PPFIBP1: variants seen among roughly 807,000 people sequenced by gnomAD.
PPFIBP1 encodes the protein liprin-beta-1.
A neutral mutation model predicts 137.8 loss-of-function variants in PPFIBP1; 112 were observed. The ratio of observed to expected loss-of-function variants is 0.81; its 90% confidence interval spans 0.70 to 0.95. The LOEUF is 0.95. Ranked by LOEUF, PPFIBP1 falls within the 40% of genes least tolerant of loss-of-function variation. The pLI, the probability that PPFIBP1 is intolerant of heterozygous loss-of-function variation, is 0.00. For synonymous variants in PPFIBP1, 378 were observed against 417.3 expected, an observed-to-expected ratio of 0.91 and a Z score of 1.15; for missense variants, 1,083 against 1,196.6, an observed-to-expected ratio of 0.91 and a Z score of 1.40.
At position 27,673,838 on chromosome 12, in the gene PPFIBP1, T is replaced by C; in HGVS notation, c.1380+11T>C. The C allele has an allele frequency of 2.5e-6, 4 of 1,599,826 alleles. No homozygotes were observed. The highest frequency in any genetic ancestry group is 1.7e-4 in the Middle Eastern group (1 of 6,030). ...GAGACATCTGATGGGGTGGGTTCTGTGTTTTTTGTTTTTTTTTGTCTGTTA... is the reference window on the plus strand; with the variant it reads ...GAGACATCTGATGGGGTGGGTTCTGCGTTTTTTGTTTTTTTTTGTCTGTTA... On this transcript the variant is annotated intron_variant, in intron 16 of 29. Coordinates refer to ENST00000228425, the MANE Select transcript of PPFIBP1 (RefSeq NM_003622.4).
At chr12:27,679,737 T>C in intron 20 of PPFIBP1, 98 bp downstream of exon 20, 1 of 1,446,776 alleles carries the variant, frequency 6.9e-7, no homozygotes, top group South Asian at 1.3e-5. Flanking sequence ...TTTGTATTCC[T>C]CTTATGGAAG....
At chr12:27,573,764 C>A (rs923784173) in intron 1 of PPFIBP1, among the ~76,000 whole-genome samples, 4 of 152,182 alleles carry the variant, frequency 2.6e-5, no homozygotes, top group African/African-American at 9.7e-5. Context: ...GGAAGTACTA[C>A]TTGAAACCAG....
chr12:27,527,063 TC>T (rs1445160449), intron 1 of PPFIBP1, among the ~76,000 whole-genome samples: 1 of 152,160 alleles, frequency 6.6e-6, no homozygotes, highest in Non-Finnish European at 1.5e-5. Context: ...AGGTCATTTT[TC>T]CCCTCAGTTA....
rs961986206 is a variant in PPFIBP1 at position 27,587,111 on chromosome 12, G to A, written c.-36+8872G>A. On this transcript the variant is annotated intron_variant, in intron 2 of 29. Transcript: ENST00000228425. ...AGTCTGCTTTCAACTGAACCAATTT[G>A]CCTTTTTACAGTTAGGACTTGAAGG... 2.0e-5 allele frequency among the ~76,000 whole-genome samples: 3 copies of A among 152,112 alleles called. 1 individual carries two copies. Among genetic ancestry groups the A allele is most frequent in the Admixed American group, 2.0e-4 (3 of 15,274 alleles).
intron 1 of PPFIBP1, among the ~76,000 whole-genome samples, chr12:27,525,067 C>T (rs1267976720): frequency 6.6e-6 from 1 of 151,998 alleles, no homozygotes; most frequent in Non-Finnish European, 1.5e-5. Flanking sequence ...CCTGTGGCTG[C>T]TTGAGGGGCG....
intron 9 of PPFIBP1, among the ~76,000 whole-genome samples, chr12:27,657,834 T>A (rs10842967): frequency 0.85 from 128,746 of 151,704 alleles, 54,807 homozygotes; most frequent in East Asian, 1. Context: ...TGGGCTGGTT[T>A]CAGTGGCTCA....
chr12:27,660,816 A>G (rs2059499614), intron 10 of PPFIBP1, 68 bp from the exon 11 acceptor site: 1 of 1,558,996 alleles, frequency 6.4e-7, no homozygotes, highest in East Asian at 2.3e-5. Flanking sequence ...CAGTCTGGAG[A>G]GTAAATAACT....
chr12:27,569,020 A>G lies in PPFIBP1; in HGVS notation c.-123-9132A>G, dbSNP rs867808950. On this transcript the variant is annotated intron_variant, in intron 1 of 29. Transcript: ENST00000228425. ...AGTGATGTCTGCTTCTTCATGCCCC[A>G]ACTGAATCCCCTAAATGCTTTTCTC... 4.2e-4 allele frequency among the ~76,000 whole-genome samples: 64 copies of G among 152,052 alleles called. 1 individual carries two copies. The highest frequency in any genetic ancestry group is 1.8e-4 in the Non-Finnish European group (12 of 68,000).
In PPFIBP1 at chr12:27,676,545, C is replaced by T. The variant is rs778133603; in HGVS notation, c.1528C>T (p.Arg510Trp). ...TCGAAAAGTCAGATCTTCCTTTGGC[C>T]GGGGCTTTTTTAAAATCAAAAGTAA... ...GTRKVRSSFG[R>W]GFFKIKSNKR... is the part of the protein sequence containing the mutation. Residue 510 changes from arginine (R) to tryptophan (W), a missense_variant, in exon 18 of 30, where the codon CGG (arginine) becomes TGG (tryptophan). Transcript: ENST00000228425. The T allele has an allele frequency of 3.4e-5, 55 of 1,607,540 alleles. No individual in the cohort carries two copies. The highest frequency in any genetic ancestry group is 6.7e-5 in the East Asian group (3 of 44,672).
rs565907665 is a variant in PPFIBP1 at position 27,587,846 on chromosome 12, C to CA, written c.-36+9608dup. Among the ~76,000 whole-genome samples, 157 of 152,178 alleles carry CA rather than the reference C, an allele frequency of 1.0e-3. 1 individual carries two copies. Among genetic ancestry groups the CA allele is most frequent in the African/African-American group, 3.5e-3 (147 of 41,510 alleles). The stretch of plus-strand genomic sequence containing the variant: ...GCCTAAATTTCCTAAGAACCTAGTC[C>CA]ACATTCAAAACCAAAATATCCTTTA... On this transcript the variant is annotated intron_variant, in intron 2 of 29. Transcript: ENST00000228425.
intron 15 of PPFIBP1, among the ~76,000 whole-genome samples, chr12:27,672,808 G>A (rs2060282146): frequency 6.6e-6 from 1 of 152,196 alleles, no homozygotes; most frequent in South Asian, 2.1e-4. Context: ...TTTGAGTCCA[G>A]TGGGAAGGCA....
intron 1 of PPFIBP1, among the ~76,000 whole-genome samples, chr12:27,577,603 A>G (rs1053820342): frequency 1.7e-4 from 26 of 152,212 alleles, no homozygotes; most frequent in African/African-American, 6.3e-4. Context: ...GTTCCTGTAT[A>G]TACTAGTGGG....
At chr12:27,564,916 A>G (rs535115688) in intron 1 of PPFIBP1, among the ~76,000 whole-genome samples, 18 of 152,150 alleles carry the variant, frequency 1.2e-4, no homozygotes, top group Non-Finnish European at 2.4e-4. Context: ...GTCTTATGCC[A>G]TGACTGCCCT....
Position 27,671,041 on chromosome 12 carries a change from C to T in PPFIBP1, c.1147-390C>T, listed in dbSNP as rs188153279. Reference sequence around the variant, plus strand: ...ATTACTAGCTGGGTACAGTGGCACACGTCTATAACCTTAGCTACTCAGGAG... The same window carrying T: ...ATTACTAGCTGGGTACAGTGGCACATGTCTATAACCTTAGCTACTCAGGAG... On this transcript the variant is annotated intron_variant, in intron 13 of 29. Coordinates refer to ENST00000228425, the MANE Select transcript of PPFIBP1 (RefSeq NM_003622.4). Among the ~76,000 whole-genome samples the T allele has an allele frequency of 2.0e-4, 30 of 151,938 alleles. No homozygotes were observed. In the East Asian group the frequency reaches 4.6e-3, roughly 24 times the overall value.
At chr12:27,643,084 G>C (rs2058229994) in intron 4 of PPFIBP1, among the ~76,000 whole-genome samples, 1 of 151,100 alleles carries the variant, frequency 6.6e-6, no homozygotes, top group Admixed American at 6.7e-5. Context: ...GCTGACAAAG[G>C]CTCTGAGATC....
At chr12:27,620,601 A>G (rs1461054823) in intron 2 of PPFIBP1, among the ~76,000 whole-genome samples, 1 of 152,124 alleles carries the variant, frequency 6.6e-6, no homozygotes, top group Non-Finnish European at 1.5e-5. Flanking sequence ...GTATATAATT[A>G]AGAGGATGCG....
intron 2 of PPFIBP1, chr12:27,594,134 T>G: frequency 7.5e-5 from 30 of 401,520 alleles, no homozygotes; most frequent in Non-Finnish European, 1.1e-4. Flanking sequence ...GAGAAGAGAA[T>G]CATGGTACTT....
chr12:27,676,376 G>T, intron 17 of PPFIBP1, 52 bp from the exon 18 acceptor site: 1 of 1,371,950 alleles, frequency 7.3e-7, no homozygotes, highest in Non-Finnish European at 9.6e-7. Flanking sequence ...CCTGGCATGT[G>T]CTGAGGATGC....
chr12:27,598,738 A>G (rs1245145236), intron 2 of PPFIBP1, among the ~76,000 whole-genome samples: 2 of 152,170 alleles, frequency 1.3e-5, no homozygotes, highest in Admixed American at 1.3e-4. Context: ...GAATGTAGTC[A>G]CTTCTAAATG....
Sources: gnomAD v4.1 joint callset for allele counts (sites outside exome capture counted in the v4.1 genomes callset) on GRCh38, gnomAD v4.1.1 for gene constraint, MANE v1.5 for transcripts, NCBI Gene and HGNC (gene_info 2026-07-23, HGNC 2026-07-21) for gene names.